The following BANK1 variants were observed in gnomAD, a reference collection of about 807,000 sequenced individuals.
The protein encoded by BANK1 is B cell scaffold protein with ankyrin repeats 1, also known as B-cell scaffold protein with ankyrin repeats.
In BANK1, 95 loss-of-function variants were observed where a neutral mutation model predicts 94.5. The observed-to-expected ratio is 1.00, with a 90% CI of 0.85 to 1.19. The LOEUF is 1.19. Among genes scored for constraint, BANK1 ranks in the 50% most tolerant of loss-of-function variants. The probability of loss-of-function intolerance (pLI) is 0.00; values close to 1 mark genes in which losing one functional copy is unlikely to be tolerated. For synonymous variants in BANK1, 334 were observed against 308.4 expected (o/e 1.08, Z -0.87); for missense variants, 987 against 932.2 (o/e 1.06, Z -0.77).
chr4:102,015,401 TA>T (rs1165422514), intron 7 of BANK1, among the ~76,000 whole-genome samples: 1 of 152,138 alleles, frequency 6.6e-6, no homozygotes, highest in African/African-American at 2.4e-5. Flanking sequence ...TCCAAGTTGG[TA>T]AATACCATGA....
At chr4:102,034,883 C>T (rs1473340862) in intron 10 of BANK1, among the ~76,000 whole-genome samples, 5 of 152,166 alleles carry the variant, frequency 3.3e-5, no homozygotes, top group Admixed American at 6.5e-5. Context: ...ATTTCCATCA[C>T]TGATATATTT....
intron 4 of BANK1, among the ~76,000 whole-genome samples, chr4:101,866,057 A>G (rs1474665891): frequency 6.6e-6 from 1 of 152,148 alleles, no homozygotes. Context: ...ATAAAACACA[A>G]TTTAAAGAGA....
At chr4:101,840,978 C>T (rs1727025417) in intron 2 of BANK1, among the ~76,000 whole-genome samples, 3 of 152,252 alleles carry the variant, frequency 2.0e-5, no homozygotes, top group Middle Eastern at 3.4e-3. Context: ...AGGCATGCGC[C>T]GTCACGCCCA....
intron 11 of BANK1, among the ~76,000 whole-genome samples, chr4:102,047,733 G>A (rs1251878125): frequency 6.6e-6 from 1 of 151,942 alleles, no homozygotes; most frequent in Non-Finnish European, 1.5e-5. Flanking sequence ...AAGGCCACAG[G>A]AGATGAAGAG....
intron 1 of BANK1, among the ~76,000 whole-genome samples, chr4:101,797,340 CA>C (rs1204087816): frequency 6.6e-6 from 1 of 152,004 alleles, no homozygotes; most frequent in Non-Finnish European, 1.5e-5. Context: ...AAAAGTAAAC[CA>C]AAACCTAATT....
chr4:101,907,210 T>A (rs1722485509), intron 6 of BANK1, among the ~76,000 whole-genome samples: 1 of 152,176 alleles, frequency 6.6e-6, no homozygotes, highest in African/African-American at 2.4e-5. Flanking sequence ...TCCACCATGA[T>A]CAAGTGGGCT....
intron 2 of BANK1, among the ~76,000 whole-genome samples, chr4:101,833,848 A>G (rs983550040): frequency 6.6e-6 from 1 of 152,200 alleles, no homozygotes; most frequent in African/African-American, 2.4e-5. Context: ...GAAGTTTTCA[A>G]GTTTCTTATG....
intron 1 of BANK1, among the ~76,000 whole-genome samples, chr4:101,821,524 C>T (rs1323585997): frequency 2.0e-5 from 3 of 152,086 alleles, no homozygotes; most frequent in Admixed American, 1.3e-4. Flanking sequence ...AGTCTTTGCC[C>T]ATTTCTATGT....
intron 1 of BANK1, among the ~76,000 whole-genome samples, chr4:101,813,418 A>G (rs544427653): frequency 3.9e-5 from 6 of 152,304 alleles, no homozygotes; most frequent in Admixed American, 3.3e-4. Context: ...TGTGACTGTA[A>G]TCATCTACTA....
chr4:102,009,247 A>G (rs1726404105), intron 7 of BANK1, among the ~76,000 whole-genome samples: 1 of 152,228 alleles, frequency 6.6e-6, no homozygotes. Context: ...TGAGGAAAGA[A>G]CTATACAACT....
At chr4:102,066,270 T>C (rs75855627) in intron 13 of BANK1, among the ~76,000 whole-genome samples, 1 of 151,682 alleles carries the variant, frequency 6.6e-6, no homozygotes, top group Non-Finnish European at 1.5e-5. Context: ...TTTTTTTTTT[T>C]TCTCAAGACA....
At chr4:101,832,606 CT>C (rs1299329799) in intron 2 of BANK1, among the ~76,000 whole-genome samples, 1 of 152,088 alleles carries the variant, frequency 6.6e-6, no homozygotes, top group Non-Finnish European at 1.5e-5. Context: ...AGTACTTTTA[CT>C]TTTTCTCATT....
chr4:101,808,058 G>T (rs1364426551), intron 1 of BANK1, among the ~76,000 whole-genome samples: 1 of 149,966 alleles, frequency 6.7e-6, no homozygotes, highest in Admixed American at 6.6e-5. Context: ...CTGCACTCCA[G>T]CCGGGGTGAC....
At chr4:102,037,541 A>G (rs1278553755) in intron 10 of BANK1, among the ~76,000 whole-genome samples, 1 of 152,160 alleles carries the variant, frequency 6.6e-6, no homozygotes, top group Non-Finnish European at 1.5e-5. Flanking sequence ...TTCGAGAAAA[A>G]TAAGATGCTT....
At chr4:102,020,106 T>G (rs1057242025) in intron 7 of BANK1, among the ~76,000 whole-genome samples, 53 of 152,150 alleles carry the variant, frequency 3.5e-4, no homozygotes, top group African/African-American at 1.2e-3. Flanking sequence ...ATGCCCAAGC[T>G]TGTGAATAAT....
At chr4:102,059,125 T>C (rs1417886525) in intron 11 of BANK1, among the ~76,000 whole-genome samples, 4 of 152,242 alleles carry the variant, frequency 2.6e-5, no homozygotes, top group Non-Finnish European at 5.9e-5. Context: ...AGAATTTGAA[T>C]GCCCTCCCCA....
chr4:102,039,841 A>T (rs1490946115), intron 10 of BANK1, among the ~76,000 whole-genome samples: 1 of 152,078 alleles, frequency 6.6e-6, no homozygotes, highest in Non-Finnish European at 1.5e-5. Flanking sequence ...CCCAGAGCAC[A>T]ATACGAATCT....
At chr4:101,904,714 A>G (rs986604433) in intron 6 of BANK1, among the ~76,000 whole-genome samples, 2 of 152,202 alleles carry the variant, frequency 1.3e-5, no homozygotes, top group African/African-American at 4.8e-5. Flanking sequence ...TCTCTTCCCC[A>G]TAAATTTATA....
intron 7 of BANK1, among the ~76,000 whole-genome samples, chr4:101,944,146 C>T (rs991753032): frequency 4.0e-5 from 6 of 151,420 alleles, no homozygotes; most frequent in Admixed American, 3.3e-4. Context: ...CTCAGTAAGC[C>T]GGTTTTCCTT....
Sources: allele counts gnomAD v4.1 joint callset (sites outside exome capture counted in the v4.1 genomes callset), GRCh38; gene constraint gnomAD v4.1.1; transcripts MANE v1.5; gene names NCBI Gene and HGNC (gene_info 2026-07-23, HGNC 2026-07-21).